ZNF592: variants seen among roughly 807,000 people sequenced by gnomAD.
The protein encoded by ZNF592 is zinc finger protein 592.
A neutral mutation model predicts 80.3 loss-of-function variants in ZNF592; 11 were observed. The observed-to-expected ratio is 0.14, with a 90% confidence interval of 0.09 to 0.23. The LOEUF is 0.23. ZNF592 is among the 10% of genes least tolerant of loss of function. The pLI is 1.00. For synonymous variants in ZNF592, 646 were observed against 640.3 expected, an observed-to-expected ratio of 1.01 and a Z score of -0.13; for missense variants, 1,420 against 1,633.9, an observed-to-expected ratio of 0.87 and a Z score of 2.26.
intron 2 of ZNF592, among the ~76,000 whole-genome samples, chr15:84,765,082 C>T: frequency 6.6e-6 from 1 of 152,174 alleles, no homozygotes; most frequent in Non-Finnish European, 1.5e-5. Flanking sequence ...CCCTCTCTCT[C>T]TCCTGCTAAC....
chr15:84,757,441 G>C (rs1899209003), intron 1 of ZNF592, among the ~76,000 whole-genome samples: 1 of 151,296 alleles, frequency 6.6e-6, no homozygotes, highest in African/African-American at 2.4e-5. Flanking sequence ...GACCTCCTGG[G>C]CTCAAACAAT....
chr15:84,767,443 AC>A (rs1410555588), intron 2 of ZNF592, among the ~76,000 whole-genome samples: 1 of 152,096 alleles, frequency 6.6e-6, no homozygotes, highest in East Asian at 1.9e-4. Context: ...TGATGCATTT[AC>A]AAAGTTTACT....
intron 10 of ZNF592, among the ~76,000 whole-genome samples, chr15:84,800,505 G>C (rs183313634): frequency 1.4e-4 from 22 of 152,264 alleles, no homozygotes; most frequent in African/African-American, 5.3e-4. Context: ...CCTCACTCCA[G>C]CCTCTCTCCA....
intron 4 of ZNF592, among the ~76,000 whole-genome samples, chr15:84,785,148 G>A (rs1962554586): frequency 6.6e-6 from 1 of 152,124 alleles, no homozygotes; most frequent in Non-Finnish European, 1.5e-5. Context: ...CCCCTCAAAG[G>A]GTCTGTCAAG....
rs778336339 is a variant in ZNF592, at chr15:84,798,643, C to T, written c.2792C>T (p.Ala931Val). The T allele has an allele frequency of 2.9e-5, 47 of 1,613,882 alleles. No homozygotes were observed. The highest frequency in any genetic ancestry group is 1.7e-4 in the Admixed American group (10 of 60,010). Reference sequence around the variant, plus strand: ...GAGCTGTCAAGCCTCCAGTCTTCAGCGGACACATCCTCAAGCCGCCCTGGC... The same window carrying T: ...GAGCTGTCAAGCCTCCAGTCTTCAGTGGACACATCCTCAAGCCGCCCTGGC... The part of the protein sequence containing the change: ...VDELSSLQSS[A>V]DTSSSRPGSR... Residue 931 changes from alanine to valine, a missense_variant, in exon 8 of 11, where the codon GCG becomes GTG. Physicochemically the swap from Ala to Val is moderately conservative, Grantham distance 64. Transcript: ENST00000560079. The surrounding 1 kb of genome is among the most constrained non-coding windows in gnomAD (Gnocchi z 4.5).
Position 84,799,155 on chromosome 15 carries a change from C to T in ZNF592, c.3082C>T (p.Leu1028=), listed in dbSNP as rs139355156. 15 of 1,614,056 alleles carry T rather than the reference C, an allele frequency of 9.3e-6. No homozygotes were observed. The highest frequency in any genetic ancestry group is 1.3e-5 in the Non-Finnish European group (15 of 1,180,034). The change falls in exon 9 of 11, where the codon CTG becomes TTG. Residue 1028 remains leucine, a synonymous_variant. Coordinates refer to ENST00000560079, the MANE Select transcript of ZNF592 (RefSeq NM_014630.3). This position sits in a 1 kb window ranked among gnomAD's most constrained non-coding sequence, Gnocchi z 4.2. ...ACAGTCCTTCCACACCCCCAACAGC[C>T]TGCGCAAACACATCCGCAACAACCA... is the stretch of plus-strand genomic sequence containing the variant. ...CEQSFHTPNS[L]RKHIRNNHDT...
intron 2 of ZNF592, among the ~76,000 whole-genome samples, chr15:84,770,848 C>T (rs772299743): frequency 1.3e-5 from 2 of 152,140 alleles, no homozygotes; most frequent in Non-Finnish European, 2.9e-5. Context: ...TTTGGAAGCC[C>T]CTGGACCAGA....
At chr15:84,752,995 G>C (rs1899055698) in intron 1 of ZNF592, 1 of 152,100 alleles carries the variant, frequency 6.6e-6, no homozygotes, top group African/African-American at 2.4e-5. Context: ...ACAAACACTT[G>C]CTCCTCAATT....
intron 2 of ZNF592, among the ~76,000 whole-genome samples, chr15:84,777,858 C>T (rs1962308018): frequency 6.6e-6 from 1 of 151,944 alleles, no homozygotes; most frequent in Non-Finnish European, 1.5e-5. Context: ...CACCACCACG[C>T]CCGGCTAATT....
chr15:84,762,727 A>T (rs1899388081), intron 1 of ZNF592, among the ~76,000 whole-genome samples: 1 of 152,132 alleles, frequency 6.6e-6, no homozygotes, highest in East Asian at 1.9e-4. Flanking sequence ...GGGCCCCCTG[A>T]CCTTGCCAGG....
At chr15:84,767,686 A>T (rs1899570001) in intron 2 of ZNF592, among the ~76,000 whole-genome samples, 1 of 151,834 alleles carries the variant, frequency 6.6e-6, no homozygotes, top group African/African-American at 2.4e-5. Context: ...TGCTTGTCCC[A>T]GTCAGTTTTA....
intron 1 of ZNF592, among the ~76,000 whole-genome samples, chr15:84,760,350 A>G (rs1474158699): frequency 1.3e-5 from 2 of 151,918 alleles, no homozygotes; most frequent in Non-Finnish European, 2.9e-5. Flanking sequence ...TCTCCCCCAT[A>G]TTCTCATGGC....
At chr15:84,753,121 T>A (rs1011835712) in intron 1 of ZNF592, 1 of 152,250 alleles carries the variant, frequency 6.6e-6, no homozygotes, top group Non-Finnish European at 1.5e-5. Context: ...TGAATAATTC[T>A]GTATTGTTTA....
At chr15:84,785,849 C>T (rs1962572425) in intron 4 of ZNF592, among the ~76,000 whole-genome samples, 1 of 148,328 alleles carries the variant, frequency 6.7e-6, no homozygotes, top group South Asian at 2.1e-4. Context: ...CTTGGTTATG[C>T]TTGATGAGAT....
At chr15:84,770,045 CAGG>C (rs1408588155) in intron 2 of ZNF592, among the ~76,000 whole-genome samples, 1 of 152,158 alleles carries the variant, frequency 6.6e-6, no homozygotes, top group Non-Finnish European at 1.5e-5. Flanking sequence ...TGTGGGAACA[CAGG>C]AGAGAGATGA....
chr15:84,787,725 T>G (rs182739650), intron 4 of ZNF592, among the ~76,000 whole-genome samples: 2 of 152,350 alleles, frequency 1.3e-5, no homozygotes, highest in East Asian at 3.9e-4. Flanking sequence ...TAACAGTCCC[T>G]TAGTATTACC....
At chr15:84,775,010 A>T (rs1190378262) in intron 2 of ZNF592, among the ~76,000 whole-genome samples, 3 of 151,894 alleles carry the variant, frequency 2.0e-5, no homozygotes, top group South Asian at 4.2e-4. Context: ...TGAACTCCTG[A>T]CCTCAGGTGA....
Position 84,798,844 on chromosome 15 carries a change from AC to A in ZNF592, c.2994del (p.Tyr998Ter). 1 of 1,599,100 alleles carries A rather than the reference AC, an allele frequency of 6.3e-7. No individual in the cohort carries two copies. The highest frequency in any genetic ancestry group is 8.5e-7 in the Non-Finnish European group (1 of 1,179,756). On this transcript the variant is annotated frameshift_variant, in exon 8 of 11. Transcript: ENST00000560079. LOFTEE classifies it high-confidence loss of function. The surrounding 1 kb of genome is among the most constrained non-coding windows in gnomAD (Gnocchi z 4.5). ...GAGTGGGTTCCAGATCGGGAGAGCTACGTGTCCCACATGAAAAAGAGCCACG... is the reference window on the plus strand; with the variant it reads ...GAGTGGGTTCCAGATCGGGAGAGCTAGTGTCCCACATGAAAAAGAGCCACG... The part of the protein sequence containing the change: ...CQEWVPDRES[Y>X]VSHMKKSHGR...
chr15:84,786,798 T>C (rs1468793662), intron 4 of ZNF592, among the ~76,000 whole-genome samples: 1 of 151,012 alleles, frequency 6.6e-6, no homozygotes, highest in African/African-American at 2.4e-5. Flanking sequence ...AGTGGAGGTC[T>C]GATGCCTGGG....
Sources: allele counts gnomAD v4.1 joint callset (sites outside exome capture counted in the v4.1 genomes callset), GRCh38; gene constraint gnomAD v4.1.1; non-coding constraint Gnocchi (gnomAD v3.1); transcripts MANE v1.5; gene names NCBI Gene and HGNC (gene_info 2026-07-23, HGNC 2026-07-21).